The following OXCT1 variants were observed in gnomAD, a reference collection of about 807,000 sequenced individuals.
OXCT1 encodes 3-oxoacid CoA-transferase 1.
In OXCT1, 27 loss-of-function variants were observed where a neutral mutation model predicts 69.6. That is an observed-to-expected ratio of 0.39 (90% CI 0.29 to 0.54). The LOEUF (loss-of-function observed/expected upper bound fraction) is 0.54. OXCT1 is among the 20% of genes least tolerant of loss of function. The probability of loss-of-function intolerance (pLI) is 0.72; values close to 1 mark genes in which losing one functional copy is unlikely to be tolerated. For synonymous variants in OXCT1, 202 were observed against 217.8 expected, an observed-to-expected ratio of 0.93 and a Z score of 0.64; for missense variants, 437 against 650.2, an observed-to-expected ratio of 0.67 and a Z score of 3.57.
chr5:41,811,271 T>A (rs1347589384), intron 7 of OXCT1, among the ~76,000 whole-genome samples: 1 of 152,014 alleles, frequency 6.6e-6, no homozygotes, highest in Non-Finnish European at 1.5e-5. Context: ...GTTAAAAATC[T>A]ATTGTACCTC....
intron 7 of OXCT1, among the ~76,000 whole-genome samples, chr5:41,837,177 A>G (rs1748405831): frequency 6.6e-6 from 1 of 152,082 alleles, no homozygotes; most frequent in African/African-American, 2.4e-5. Context: ...CACCAGGGAG[A>G]AGAAAGGTTG....
At chr5:41,795,789 T>C (rs1746153888) in intron 11 of OXCT1, among the ~76,000 whole-genome samples, 1 of 152,200 alleles carries the variant, frequency 6.6e-6, no homozygotes, top group South Asian at 2.1e-4. Flanking sequence ...GTGGTAATCA[T>C]TTCACAATGT....
At position 41,813,553 on chromosome 5, in the gene OXCT1, C is replaced by T. The variant is rs192306050; in HGVS notation, c.733-6115G>A. Reference sequence around the variant, plus strand: ...CTAATGGTTTGATGTCTTTGTCCTACGCTGTTCAGTCAACATATTTACAAG... The same window carrying T: ...CTAATGGTTTGATGTCTTTGTCCTATGCTGTTCAGTCAACATATTTACAAG... On this transcript the variant is annotated intron_variant, in intron 7 of 16. Coordinates refer to ENST00000196371, the MANE Select transcript of OXCT1 (RefSeq NM_000436.4). Among the ~76,000 whole-genome samples the T allele has an allele frequency of 1.3e-3, 204 of 152,190 alleles. 2 individuals carry two copies. Among genetic ancestry groups the T allele is most frequent in the Non-Finnish European group, 1.8e-3 (119 of 67,990 alleles).
intron 13 of OXCT1, among the ~76,000 whole-genome samples, chr5:41,774,712 G>A (rs542854901): frequency 1.3e-5 from 2 of 152,110 alleles, no homozygotes; most frequent in East Asian, 1.9e-4. Flanking sequence ...TGGCTAACAC[G>A]GTAAAACCCC....
At chr5:41,840,547 AAAGACGAAAAAT>A in intron 6 of OXCT1, 36 bp from the exon 7 acceptor site, 1 of 1,380,122 alleles carries the variant, frequency 7.2e-7, no homozygotes, top group South Asian at 1.2e-5. Context: ...GTGGGGGGGA[AAAGACGAAAAAT>A]AAGCATCTCT....
intron 8 of OXCT1, among the ~76,000 whole-genome samples, chr5:41,806,285 C>T (rs1289086621): frequency 6.6e-6 from 1 of 152,054 alleles, no homozygotes; most frequent in Non-Finnish European, 1.5e-5. Flanking sequence ...TATAAAATGT[C>T]TTCCTGTTTG....
intron 7 of OXCT1, among the ~76,000 whole-genome samples, chr5:41,816,426 C>T (rs1398383671): frequency 1.3e-5 from 2 of 152,142 alleles, no homozygotes; most frequent in African/African-American, 4.8e-5. Context: ...GATCAAATGG[C>T]TCTTAGTACA....
At chr5:41,843,625 ATCCATTGCCACAC>A in intron 5 of OXCT1, 1 of 456,142 alleles carries the variant, frequency 2.2e-6, no homozygotes, top group Non-Finnish European at 4.4e-6. Context: ...TAAAACAAGC[ATCCATTGCCACAC>A]TCCATCACTG....
chr5:41,789,683 C>T (rs1223515683), intron 13 of OXCT1, among the ~76,000 whole-genome samples: 3 of 152,182 alleles, frequency 2.0e-5, no homozygotes, highest in Non-Finnish European at 2.9e-5. Context: ...CATATGACCT[C>T]ATATGGATTT....
Position 41,810,940 on chromosome 5 carries a change from C to A in OXCT1, c.733-3502G>T, listed in dbSNP as rs148677289. Among the ~76,000 whole-genome samples the A allele has an allele frequency of 4.9e-3, 747 of 151,966 alleles. 8 individuals are homozygous for A. The highest frequency in any genetic ancestry group is 0.017 in the African/African-American group (700 of 41,464). ...TGAGGGGGAGGAAGAGGGAGACTCA[C>A]ATTCCAGGCTTTCTTCCTGACTCAT... On this transcript the variant is annotated intron_variant, in intron 7 of 16. Transcript: ENST00000196371.
chr5:41,760,933 G>C (rs1407207477), intron 14 of OXCT1, among the ~76,000 whole-genome samples: 1 of 152,122 alleles, frequency 6.6e-6, no homozygotes, highest in Non-Finnish European at 1.5e-5. Context: ...GGGGAAGCAG[G>C]TGGGATGTGA....
chr5:41,814,785 T>G (rs1400848770), intron 7 of OXCT1, among the ~76,000 whole-genome samples: 7 of 149,424 alleles, frequency 4.7e-5, no homozygotes, highest in South Asian at 2.1e-4. Context: ...AGATGACGAG[T>G]TAGTGGGTGC....
In OXCT1 at chr5:41,730,270, GA is replaced by G. The variant is rs1742547768; in HGVS notation, c.*1458del. The G allele has an allele frequency of 6.6e-6, 1 of 152,176 alleles. No homozygotes were observed. Among genetic ancestry groups the G allele is most frequent in the Non-Finnish European group, 1.5e-5 (1 of 68,022 alleles). 9.4% of individuals were successfully genotyped at this position (152,176 alleles called of 1,614,324 possible). A position where few individuals can be genotyped will look rare whatever the true frequency, so the allele number is the denominator to read the frequency against. ...CTCTCATGGAACTTGCACATTCTAAGAAGGGTCATTTTTTCCCCCCAGTACT... is the reference window on the plus strand; with the variant it reads ...CTCTCATGGAACTTGCACATTCTAAGAGGGTCATTTTTTCCCCCCAGTACT... On this transcript the variant is annotated 3_prime_UTR_variant, in exon 17 of 17. Coordinates refer to ENST00000196371, the MANE Select transcript of OXCT1 (RefSeq NM_000436.4).
intron 1 of OXCT1, among the ~76,000 whole-genome samples, chr5:41,867,303 G>T (rs1287004400): frequency 6.6e-6 from 1 of 152,042 alleles, no homozygotes; most frequent in Non-Finnish European, 1.5e-5. Flanking sequence ...CAAAATACTG[G>T]GGCTACAAAG....
chr5:41,730,114 G>A lies in OXCT1; in HGVS notation c.*1615C>T, dbSNP rs746001158. On this transcript the variant is annotated 3_prime_UTR_variant, in exon 17 of 17. Transcript: ENST00000196371. ...TATTCCTTAATGCATTTCTTAACAT[G>A]TATAGCACTCTTCAATCAAGAATAT... 3 of 152,118 alleles carry A rather than the reference G, an allele frequency of 2.0e-5. No homozygotes were observed. The highest frequency in any genetic ancestry group is 4.4e-5 in the Non-Finnish European group (3 of 68,022). The allele number at this position is 152,118 out of a possible 1,614,324, so 9.4% of individuals were successfully genotyped here.
At chr5:41,866,024 C>CT (rs1358493947) in intron 1 of OXCT1, among the ~76,000 whole-genome samples, 4 of 91,686 alleles carry the variant, frequency 4.4e-5, no homozygotes, top group Non-Finnish European at 7.5e-5. Context: ...TACAGTAGAC[C>CT]CCCCCCCCCA....
chr5:41,845,952 T>A (rs1748881176), intron 5 of OXCT1, among the ~76,000 whole-genome samples: 1 of 152,090 alleles, frequency 6.6e-6, no homozygotes, highest in Non-Finnish European at 1.5e-5. Flanking sequence ...CAAAATATGC[T>A]TATGTAGCAT....
At chr5:41,788,231 C>T (rs1312538820) in intron 13 of OXCT1, among the ~76,000 whole-genome samples, 1 of 151,654 alleles carries the variant, frequency 6.6e-6, no homozygotes, top group Non-Finnish European at 1.5e-5. Flanking sequence ...CTAGAGAAGC[C>T]ACTAAAAAGT....
At chr5:41,823,195 A>T (rs941749162) in intron 7 of OXCT1, among the ~76,000 whole-genome samples, 4 of 152,192 alleles carry the variant, frequency 2.6e-5, no homozygotes, top group Non-Finnish European at 5.9e-5. Context: ...CTTGTCTCTT[A>T]TAACATTACT....
Sources: gnomAD v4.1 joint callset for allele counts (sites outside exome capture counted in the v4.1 genomes callset) on GRCh38, gnomAD v4.1.1 for gene constraint, MANE v1.5 for transcripts, NCBI Gene and HGNC (gene_info 2026-07-23, HGNC 2026-07-21) for gene names.